CLEC9A: variants seen among roughly 807,000 people sequenced by gnomAD.
The protein encoded by CLEC9A is C-type lectin domain containing 9A, also known as C-type lectin domain family 9 member A.
A neutral mutation model predicts 30.0 loss-of-function variants in CLEC9A; 24 were observed. The ratio of observed to expected loss-of-function variants is 0.80; its 90% CI spans 0.58 to 1.13. CLEC9A has a LOEUF of 1.13. CLEC9A is among the 50% of genes most tolerant of loss of function. The pLI, the probability that CLEC9A is intolerant of heterozygous loss-of-function variation, is 0.00. For missense variants in CLEC9A, 251 were observed against 280.9 expected, an observed-to-expected ratio of 0.89 and a Z score of 0.76; for synonymous variants, 111 against 96.8, an observed-to-expected ratio of 1.15 and a Z score of -0.86.
chr12:10,055,974 G>A (rs900043558), intron 5 of CLEC9A, among the ~76,000 whole-genome samples: 18 of 140,006 alleles, frequency 1.3e-4, no homozygotes, highest in Non-Finnish European at 1.1e-4. Context: ...AAGGGGAATT[G>A]CTTGAACCAG....
At position 10,056,715 on chromosome 12, in the gene CLEC9A, T is replaced by A. The variant is rs550177253; in HGVS notation, c.172+2364T>A. Among the ~76,000 whole-genome samples, 29 of 152,266 alleles carry A rather than the reference T, an allele frequency of 1.9e-4. No individual in the cohort carries two copies. In the East Asian group the frequency reaches 2.5e-3, roughly 13 times the overall value. The stretch of plus-strand genomic sequence containing the variant: ...TCAATGTTTACTTTTCGGATTTTTT[T>A]AAATGTTTTAATCCTATGAATGTAG... On this transcript the variant is annotated intron_variant, in intron 5 of 8. Transcript: ENST00000355819.
At position 10,063,130 on chromosome 12, in the gene CLEC9A, G is replaced by A. The variant is rs139004061; in HGVS notation, c.395G>A (p.Ser132Asn). The change falls in exon 7 of 9, where the codon AGC becomes AAC. Residue 132 changes from serine to asparagine, a missense_variant. Ser to Asn is a conservative substitution (Grantham distance 46). Transcript: ENST00000355819. ...TGTTACTATGTCTCTGAAATTTGGA[G>A]CATTTGGCACACCAGTCAAGAGAAT... ...ESCYYVSEIWSIWHTSQENCL... is the reference protein window; with the variant it reads ...ESCYYVSEIWNIWHTSQENCL... The A allele has an allele frequency of 8.1e-6, 13 of 1,612,556 alleles. No homozygotes were observed. The East Asian group carries it at 1.3e-4, about 17-fold the overall frequency.
chr12:10,055,179 CAAAT>C lies in CLEC9A; in HGVS notation c.172+832_172+835del, dbSNP rs533683768. ...GTAATTGTTACTTCGTCTGTCTCCTCAAATAAAGTTTCACAGCTTAACAGAAATG... is the reference window on the plus strand; with the variant it reads ...GTAATTGTTACTTCGTCTGTCTCCTCAAAGTTTCACAGCTTAACAGAAATG... On this transcript the variant is annotated intron_variant, in intron 5 of 8. Coordinates refer to ENST00000355819, the MANE Select transcript of CLEC9A (RefSeq NM_207345.4). 4.9e-3 allele frequency among the ~76,000 whole-genome samples: 742 copies of C among 152,296 alleles called. 3 individuals are homozygous for C. Among genetic ancestry groups the C allele is most frequent in the Non-Finnish European group, 8.4e-3 (572 of 68,010 alleles).
chr12:10,034,573 T>A (rs867485401), intron 1 of CLEC9A, among the ~76,000 whole-genome samples: 65 of 152,366 alleles, frequency 4.3e-4, no homozygotes, highest in Admixed American at 1.6e-3. Flanking sequence ...AGCTCATTGC[T>A]TGTATGATTC....
At chr12:10,058,989 G>T (rs912433534) in intron 5 of CLEC9A, among the ~76,000 whole-genome samples, 1 of 152,000 alleles carries the variant, frequency 6.6e-6, no homozygotes, top group Non-Finnish European at 1.5e-5. Context: ...TAATCCTAAA[G>T]GTCTGGCTGA....
At chr12:10,043,072 A>G (rs1402601730) in intron 2 of CLEC9A, 1 of 184,902 alleles carries the variant, frequency 5.4e-6, no homozygotes, top group Non-Finnish European at 1.1e-5. Context: ...CACAGATTCA[A>G]ATATCAAATG....
At chr12:10,050,158 C>G (rs1865880401) in intron 2 of CLEC9A, among the ~76,000 whole-genome samples, 1 of 152,184 alleles carries the variant, frequency 6.6e-6, no homozygotes, top group Non-Finnish European at 1.5e-5. Context: ...TGATATTTAT[C>G]AATTAAGTTA....
chr12:10,045,248 G>A (rs1830832811), intron 2 of CLEC9A, among the ~76,000 whole-genome samples: 1 of 152,028 alleles, frequency 6.6e-6, no homozygotes, highest in African/African-American at 2.4e-5. Flanking sequence ...GGCTCCTATT[G>A]TACTAGTGTT....
In CLEC9A at chr12:10,053,445, C is replaced by T. The variant is rs74318958; in HGVS notation, c.91+667C>T. ...TGGACCCTTCTTCTGTCTTGAAAGC[C>T]AACAACATAACCTCTTTAAATGTTT... is the stretch of plus-strand genomic sequence containing the variant. On this transcript the variant is annotated intron_variant, in intron 4 of 8. Transcript: ENST00000355819. Among the ~76,000 whole-genome samples the T allele has an allele frequency of 2.0e-4, 30 of 152,246 alleles. No individual in the cohort carries two copies. In the East Asian group the frequency reaches 4.8e-3, roughly 25 times the overall value.
At chr12:10,041,112 G>C (rs912791559) in intron 1 of CLEC9A, 1 of 158,938 alleles carries the variant, frequency 6.3e-6, no homozygotes, top group Non-Finnish European at 1.4e-5. Context: ...CAGACAGGGT[G>C]GTGGGTGCCT....
intron 2 of CLEC9A, among the ~76,000 whole-genome samples, chr12:10,044,154 T>G (rs1161785410): frequency 6.6e-6 from 1 of 152,180 alleles, no homozygotes; most frequent in Non-Finnish European, 1.5e-5. Flanking sequence ...TTAGTGAAGC[T>G]CTATCCTTCT....
intron 5 of CLEC9A, among the ~76,000 whole-genome samples, chr12:10,057,594 G>T (rs975064652): frequency 1.3e-5 from 2 of 151,778 alleles, no homozygotes; most frequent in African/African-American, 4.8e-5. Context: ...TGGGAATATG[G>T]TTATGCAATA....
chr12:10,032,030 T>C (rs1342286553), intron 1 of CLEC9A, among the ~76,000 whole-genome samples: 5 of 152,048 alleles, frequency 3.3e-5, no homozygotes, highest in Non-Finnish European at 7.4e-5. Flanking sequence ...TAGGAGGGAA[T>C]TGCAAATTAA....
In CLEC9A at chr12:10,063,172, C is replaced by T. The variant is rs771597970; in HGVS notation, c.437C>T (p.Ser146Phe). The T allele has an allele frequency of 1.4e-5, 22 of 1,610,384 alleles. No individual in the cohort carries two copies. The South Asian group carries it at 2.4e-4, about 18-fold the overall frequency. ...CAAGAGAATTGTTTAAAGGAAGGTT[C>T]CACGCTGCTACAAATAGAGAGCAAA... ...TSQENCLKEG[S>F]TLLQIESKEE... Residue 146 changes from serine (S) to phenylalanine (F), a missense_variant, in exon 7 of 9, where the codon TCC (serine) becomes TTC (phenylalanine). Physicochemically the swap from Ser to Phe is radical, Grantham distance 155. Transcript: ENST00000355819.
At chr12:10,059,034 C>T (rs1029283143) in intron 5 of CLEC9A, among the ~76,000 whole-genome samples, 18 of 151,938 alleles carry the variant, frequency 1.2e-4, no homozygotes, top group African/African-American at 3.6e-4. Context: ...TTTTTTAATT[C>T]ACTAATTAAT....
intron 5 of CLEC9A, among the ~76,000 whole-genome samples, chr12:10,058,394 G>A (rs898366958): frequency 2.0e-5 from 3 of 152,128 alleles, no homozygotes; most frequent in Non-Finnish European, 4.4e-5. Flanking sequence ...GATCCAAGCA[G>A]CTGACAGCCT....
chr12:10,041,833 C>T (rs2137299817), intron 2 of CLEC9A, among the ~76,000 whole-genome samples: 1 of 152,324 alleles, frequency 6.6e-6, no homozygotes, highest in East Asian at 1.9e-4. Flanking sequence ...GTCAAATTGA[C>T]TTGTCCCTTC....
intron 2 of CLEC9A, among the ~76,000 whole-genome samples, chr12:10,046,270 G>A (rs1865845117): frequency 6.6e-6 from 1 of 152,086 alleles, no homozygotes; most frequent in South Asian, 2.1e-4. Flanking sequence ...ATTTACTATT[G>A]TATTACCATC....
At chr12:10,047,572 A>G (rs930544513) in intron 2 of CLEC9A, among the ~76,000 whole-genome samples, 2 of 152,214 alleles carry the variant, frequency 1.3e-5, no homozygotes, top group African/African-American at 2.4e-5. Flanking sequence ...CTGTGTTTCA[A>G]ATTACAACTA....
Sources: gnomAD v4.1 joint callset for allele counts (sites outside exome capture counted in the v4.1 genomes callset) on GRCh38, gnomAD v4.1.1 for gene constraint, MANE v1.5 for transcripts, NCBI Gene and HGNC (gene_info 2026-07-23, HGNC 2026-07-21) for gene names.